The following EXOC6B variants were observed in gnomAD, a reference collection of about 807,000 sequenced individuals.
The protein encoded by EXOC6B is exocyst complex component 6B.
EXOC6B carries 54 observed loss-of-function variants against 113.5 expected under a neutral mutation model. The ratio of observed to expected loss-of-function variants is 0.48; its 90% CI spans 0.38 to 0.60. EXOC6B has a LOEUF of 0.60. Among genes scored for constraint, EXOC6B ranks in the 20% least tolerant of loss-of-function variants. The probability of loss-of-function intolerance (pLI) is 0.00; values close to 1 mark genes in which losing one functional copy is unlikely to be tolerated. For missense variants in EXOC6B, 797 were observed against 977.5 expected (o/e 0.82, Z 2.46); for synonymous variants, 357 against 339.0 (o/e 1.05, Z -0.58).
At chr2:72,401,039 C>T (rs909643981) in intron 18 of EXOC6B, among the ~76,000 whole-genome samples, 8 of 151,750 alleles carry the variant, frequency 5.3e-5, no homozygotes, top group Admixed American at 4.6e-4. Context: ...AGGAATCAAC[C>T]TAAGTGTCCA....
At chr2:72,691,015 T>G (rs1425472285) in intron 6 of EXOC6B, among the ~76,000 whole-genome samples, 1 of 152,052 alleles carries the variant, frequency 6.6e-6, no homozygotes, top group African/African-American at 2.4e-5. Context: ...TCCCAATACT[T>G]CGAGAGGCTG....
intron 17 of EXOC6B, among the ~76,000 whole-genome samples, chr2:72,466,649 ATT>A (rs1363032962): frequency 6.6e-6 from 1 of 152,206 alleles, no homozygotes; most frequent in East Asian, 1.9e-4. Context: ...GCTTTATAAA[ATT>A]TGATTGATAA....
At chr2:72,531,602 GA>G (rs905191176) in intron 8 of EXOC6B, among the ~76,000 whole-genome samples, 16 of 152,156 alleles carry the variant, frequency 1.1e-4, no homozygotes, top group African/African-American at 3.9e-4. Flanking sequence ...GACTTCAGTG[GA>G]AATCTAGAAA....
At chr2:72,755,792 G>A (rs777367216) in intron 1 of EXOC6B, among the ~76,000 whole-genome samples, 5 of 152,188 alleles carry the variant, frequency 3.3e-5, no homozygotes, top group Non-Finnish European at 5.9e-5. Context: ...GCTCTGAAGA[G>A]AACTGATGTT....
At chr2:72,420,784 T>C (rs1021829018) in intron 18 of EXOC6B, among the ~76,000 whole-genome samples, 1 of 152,226 alleles carries the variant, frequency 6.6e-6, no homozygotes, top group Non-Finnish European at 1.5e-5. Context: ...ATGGTATTTC[T>C]AGTTCTAGAT....
chr2:72,668,684 CAT>C (rs1279519237), intron 6 of EXOC6B, among the ~76,000 whole-genome samples: 1 of 152,168 alleles, frequency 6.6e-6, no homozygotes, highest in Non-Finnish European at 1.5e-5. Flanking sequence ...CCAAATACCA[CAT>C]GTTCTCACTT....
chr2:72,338,227 G>A (rs933290527), intron 19 of EXOC6B, among the ~76,000 whole-genome samples: 2 of 152,150 alleles, frequency 1.3e-5, no homozygotes, highest in African/African-American at 2.4e-5. Flanking sequence ...CTGCTATGAG[G>A]ATTAAACAGA....
intron 1 of EXOC6B, among the ~76,000 whole-genome samples, chr2:72,763,061 T>C (rs1006963380): frequency 3.3e-5 from 5 of 151,904 alleles, no homozygotes; most frequent in Admixed American, 6.6e-5. Context: ...TAAGAAGGTA[T>C]ACCTAACAAT....
intron 11 of EXOC6B, among the ~76,000 whole-genome samples, chr2:72,502,745 G>C (rs1700391497): frequency 6.6e-6 from 1 of 151,818 alleles, no homozygotes; most frequent in African/African-American, 2.4e-5. Flanking sequence ...CACTACACTG[G>C]AATTTCCCCT....
At chr2:72,711,159 G>A (rs965149262) in intron 6 of EXOC6B, among the ~76,000 whole-genome samples, 6 of 151,522 alleles carry the variant, frequency 4.0e-5, no homozygotes, top group Admixed American at 6.6e-5. Flanking sequence ...GAAAACAGTC[G>A]ACAATTAACA....
Position 72,823,483 on chromosome 2 carries a change from AAAC to A in EXOC6B, c.113+2312_113+2314del, listed in dbSNP as rs1368424757. On this transcript the variant is annotated intron_variant, in intron 1 of 21. Coordinates refer to ENST00000272427, the MANE Select transcript of EXOC6B (RefSeq NM_015189.3). ...AGAAAAAAAAAAAAAAAAAAACAAA[AAAC>A]AAAAAAAAAGACAGTGGCCAGGCAC... Among the ~76,000 whole-genome samples, 296 of 138,314 alleles carry A rather than the reference AAAC, an allele frequency of 2.1e-3. 20 individuals are homozygous for A. Among genetic ancestry groups the A allele is most frequent in the African/African-American group, 5.5e-3 (201 of 36,408 alleles). The allele number at this position is 138,314 out of a possible 152,430, so 90.7% of individuals were successfully genotyped here.
At chr2:72,788,814 A>G (rs564449922) in intron 1 of EXOC6B, among the ~76,000 whole-genome samples, 98 of 152,324 alleles carry the variant, frequency 6.4e-4, no homozygotes, top group African/African-American at 2.3e-3. Flanking sequence ...CCCTGTCTCA[A>G]AAAATTAGAA....
chr2:72,627,683 T>C (rs1006998416), intron 6 of EXOC6B, among the ~76,000 whole-genome samples: 1 of 152,220 alleles, frequency 6.6e-6, no homozygotes, highest in African/African-American at 2.4e-5. Context: ...CTATTTTTTT[T>C]CCATGCAATC....
At chr2:72,215,257 T>A (rs1377965650) in intron 20 of EXOC6B, among the ~76,000 whole-genome samples, 1 of 152,180 alleles carries the variant, frequency 6.6e-6, no homozygotes, top group Non-Finnish European at 1.5e-5. Flanking sequence ...TAGGATGTTA[T>A]GGAGGAGAAA....
intron 6 of EXOC6B, among the ~76,000 whole-genome samples, chr2:72,612,700 A>C (rs1671149545): frequency 6.6e-6 from 1 of 152,240 alleles, no homozygotes; most frequent in Non-Finnish European, 1.5e-5. Context: ...CTGAGCAGAA[A>C]GACAGAAGAG....
At chr2:72,472,085 A>G (rs1462304333) in intron 17 of EXOC6B, among the ~76,000 whole-genome samples, 1 of 152,094 alleles carries the variant, frequency 6.6e-6, no homozygotes, top group African/African-American at 2.4e-5. Context: ...CTTGATCATC[A>G]TACATTATCT....
chr2:72,718,777 C>T lies in EXOC6B; in HGVS notation c.465-470G>A, dbSNP rs562019122. ...ATGAGAATCATTTGAACCCCGGAGG[C>T]GGAGGTTTCAGTTAGCCAAGATCAC... On this transcript the variant is annotated intron_variant, in intron 5 of 21. Coordinates refer to ENST00000272427, the MANE Select transcript of EXOC6B (RefSeq NM_015189.3). Among the ~76,000 whole-genome samples the T allele has an allele frequency of 5.3e-5, 8 of 152,212 alleles. 1 individual carries two copies. The highest frequency in any genetic ancestry group is 4.6e-4 in the Admixed American group (7 of 15,292).
rs73943349 is a variant in EXOC6B, at chr2:72,355,391, C to T, written c.2123-20371G>A. ...GAAGGTATGCTCTAACAAAGATTGGCGACTCAAATCCCTATATATTTCCAG... is the reference window on the plus strand; with the variant it reads ...GAAGGTATGCTCTAACAAAGATTGGTGACTCAAATCCCTATATATTTCCAG... On this transcript the variant is annotated intron_variant, in intron 19 of 21. Transcript: ENST00000272427. 2.5e-3 allele frequency among the ~76,000 whole-genome samples: 381 copies of T among 152,132 alleles called. 1 individual carries two copies. Among genetic ancestry groups the T allele is most frequent in the African/African-American group, 6.2e-3 (258 of 41,504 alleles).
intron 16 of EXOC6B, among the ~76,000 whole-genome samples, chr2:72,489,905 A>G (rs1430612281): frequency 2.0e-5 from 3 of 152,208 alleles, no homozygotes; most frequent in Non-Finnish European, 4.4e-5. Flanking sequence ...ATGCATAGAA[A>G]AAGAAGAGAC....
Sources: gnomAD v4.1 joint callset for allele counts (sites outside exome capture counted in the v4.1 genomes callset) on GRCh38, gnomAD v4.1.1 for gene constraint, MANE v1.5 for transcripts, NCBI Gene and HGNC (gene_info 2026-07-23, HGNC 2026-07-21) for gene names.